Variants in ATRNL1 observed in about 807,000 individuals in gnomAD.
ATRNL1 encodes the protein attractin-like protein 1.
In ATRNL1, 95 loss-of-function variants were observed where a neutral mutation model predicts 182.7. The observed-to-expected ratio is 0.52, with a 90% CI of 0.44 to 0.62. The LOEUF is 0.62. Ranked by LOEUF, ATRNL1 falls within the 20% of genes least tolerant of loss-of-function variation. The probability of loss-of-function intolerance (pLI) is 0.00; values close to 1 mark genes in which losing one functional copy is unlikely to be tolerated. For missense variants in ATRNL1, 1,471 were observed against 1,679.5 expected, an observed-to-expected ratio of 0.88 and a Z score of 2.17; for synonymous variants, 576 against 568.3, an observed-to-expected ratio of 1.01 and a Z score of -0.19.
At chr10:115,353,315 T>C (rs565953490) in intron 19 of ATRNL1, among the ~76,000 whole-genome samples, 1 of 152,334 alleles carries the variant, frequency 6.6e-6, no homozygotes, top group East Asian at 1.9e-4. Context: ...TTTATTATTA[T>C]ATAATGACCT....
intron 26 of ATRNL1, among the ~76,000 whole-genome samples, chr10:115,615,197 A>G (rs1857369205): frequency 6.6e-6 from 1 of 151,990 alleles, no homozygotes; most frequent in South Asian, 2.1e-4. Context: ...TGCTATACCA[A>G]TATTTTTTAT....
At chr10:115,604,436 T>C (rs1210514340) in intron 26 of ATRNL1, among the ~76,000 whole-genome samples, 1 of 152,208 alleles carries the variant, frequency 6.6e-6, no homozygotes, top group Non-Finnish European at 1.5e-5. Context: ...CTCAACTGTC[T>C]TCCAGCCAGC....
chr10:115,163,707 A>G (rs1846909242), intron 6 of ATRNL1, among the ~76,000 whole-genome samples: 1 of 152,150 alleles, frequency 6.6e-6, no homozygotes, highest in Non-Finnish European at 1.5e-5. Context: ...AATGAAGAAT[A>G]TGTGAGACCA....
intron 24 of ATRNL1, among the ~76,000 whole-genome samples, chr10:115,474,966 G>A (rs1021200193): frequency 1.3e-5 from 2 of 151,274 alleles, no homozygotes; most frequent in Admixed American, 6.6e-5. Flanking sequence ...CCCCCTAGGT[G>A]ATAATGTGCA....
chr10:115,564,118 G>A (rs970334831), intron 26 of ATRNL1, among the ~76,000 whole-genome samples: 2 of 151,810 alleles, frequency 1.3e-5, no homozygotes, highest in Non-Finnish European at 2.9e-5. Context: ...CATAATTATG[G>A]TCTAATTTAG....
chr10:115,802,202 C>G (rs1309139388), intron 27 of ATRNL1, among the ~76,000 whole-genome samples: 2 of 152,128 alleles, frequency 1.3e-5, no homozygotes, highest in African/African-American at 4.8e-5. Context: ...ACAATGAACT[C>G]AGCTCTGTCA....
At chr10:115,646,570 A>G (rs1437686990) in intron 26 of ATRNL1, among the ~76,000 whole-genome samples, 1 of 151,808 alleles carries the variant, frequency 6.6e-6, no homozygotes, top group Non-Finnish European at 1.5e-5. Flanking sequence ...AATAGTAATC[A>G]TGTGGTCATA....
At chr10:115,448,854 C>CCAACAACAACAACAACAA (rs3981286) in intron 21 of ATRNL1, among the ~76,000 whole-genome samples, 11 of 150,104 alleles carry the variant, frequency 7.3e-5, no homozygotes, top group African/African-American at 2.5e-4. Context: ...AGCGTGCCAA[C>CCAACAACAACAACAACAA]CAACAACAAC....
At chr10:115,175,841 T>G (rs1263542265) in intron 8 of ATRNL1, among the ~76,000 whole-genome samples, 2 of 152,098 alleles carry the variant, frequency 1.3e-5, no homozygotes, top group Admixed American at 1.3e-4. Context: ...AAATGATGGG[T>G]AAATGTAGTT....
At chr10:115,728,144 A>T (rs1321089031) in intron 27 of ATRNL1, among the ~76,000 whole-genome samples, 1 of 116,748 alleles carries the variant, frequency 8.6e-6, no homozygotes, top group Non-Finnish European at 2.0e-5. Flanking sequence ...AAAAAAAAAA[A>T]ATTAGCCGGG....
intron 28 of ATRNL1, among the ~76,000 whole-genome samples, chr10:115,867,987 C>T (rs142793431): frequency 0.017 from 2,626 of 152,162 alleles, 88 homozygotes; most frequent in African/African-American, 0.06. Flanking sequence ...TGGTCTCGAA[C>T]TCCTGGCCTC....
At chr10:115,484,599 C>CAAAT (rs1848931439) in intron 24 of ATRNL1, among the ~76,000 whole-genome samples, 1 of 151,574 alleles carries the variant, frequency 6.6e-6, no homozygotes, top group Admixed American at 6.6e-5. Context: ...ACTCATTGGG[C>CAAAT]AAATGCCTTC....
chr10:115,545,706 T>G (rs1852615047), intron 25 of ATRNL1, among the ~76,000 whole-genome samples: 1 of 152,222 alleles, frequency 6.6e-6, no homozygotes, highest in Admixed American at 6.5e-5. Flanking sequence ...ATTAATCATA[T>G]AAAAATACAT....
intron 19 of ATRNL1, among the ~76,000 whole-genome samples, chr10:115,388,147 T>C (rs1173195300): frequency 6.6e-6 from 1 of 152,164 alleles, no homozygotes; most frequent in Admixed American, 6.5e-5. Context: ...TCTAACTTAG[T>C]GATTATTTTC....
intron 1 of ATRNL1, among the ~76,000 whole-genome samples, chr10:115,112,158 C>T (rs1278031287): frequency 6.6e-6 from 1 of 151,880 alleles, no homozygotes; most frequent in Non-Finnish European, 1.5e-5. Context: ...TTGAAGGTGA[C>T]ACAAGTAAAT....
chr10:115,226,564 A>G (rs1429319221), intron 9 of ATRNL1, among the ~76,000 whole-genome samples: 3 of 61,744 alleles, frequency 4.9e-5, no homozygotes, highest in Non-Finnish European at 1.0e-4. Flanking sequence ...CCAGAATTAG[A>G]AAAAAAAAAA....
chr10:115,882,097 T>C (rs1339967771), intron 28 of ATRNL1, among the ~76,000 whole-genome samples: 1 of 152,134 alleles, frequency 6.6e-6, no homozygotes, highest in Non-Finnish European at 1.5e-5. Flanking sequence ...ACCATCAGAC[T>C]GAGACCAACA....
chr10:115,140,222 G>A (rs898670399), intron 5 of ATRNL1, among the ~76,000 whole-genome samples: 3 of 152,080 alleles, frequency 2.0e-5, no homozygotes, highest in Non-Finnish European at 2.9e-5. Context: ...ATGAAATAGG[G>A]AATTTAACTT....
intron 26 of ATRNL1, among the ~76,000 whole-genome samples, chr10:115,687,341 T>A (rs1014378451): frequency 9.9e-5 from 15 of 152,204 alleles, no homozygotes; most frequent in African/African-American, 3.6e-4. Flanking sequence ...ATTTTAGATT[T>A]ATCATATAAG....
Sources: gnomAD v4.1 joint callset for allele counts (sites outside exome capture counted in the v4.1 genomes callset) on GRCh38, gnomAD v4.1.1 for gene constraint, MANE v1.5 for transcripts, NCBI Gene and HGNC (gene_info 2026-07-23, HGNC 2026-07-21) for gene names.